Variants in UNC45A observed in about 807,000 individuals in gnomAD.
The protein encoded by UNC45A is unc-45 myosin chaperone A, also known as protein unc-45 homolog A.
UNC45A carries 78 observed loss-of-function variants against 103.2 expected under a neutral mutation model. That is an observed-to-expected ratio of 0.76 (90% CI 0.63 to 0.91). The LOEUF (loss-of-function observed/expected upper bound fraction) is 0.91, where lower values mean the gene tolerates loss of function less well. Among genes scored for constraint, UNC45A ranks in the 40% least tolerant of loss-of-function variants. The pLI, the probability that UNC45A is intolerant of heterozygous loss-of-function variation, is 0.00. For missense variants in UNC45A, 1,193 were observed against 1,224.8 expected (o/e 0.97, Z 0.39); for synonymous variants, 495 against 504.6 (o/e 0.98, Z 0.25).
upstream of UNC45A, chr15:90,933,951 G>C (rs375455279): frequency 5.3e-5 from 21 of 398,100 alleles, no homozygotes; most frequent in South Asian, 9.3e-4. Context: ...TTGGGGCTTT[G>C]ACTTTTATTT....
intron 4 of UNC45A, among the ~76,000 whole-genome samples, chr15:90,937,805 A>C (rs2151356900): frequency 6.6e-6 from 1 of 151,656 alleles, no homozygotes; most frequent in Middle Eastern, 3.4e-3. Flanking sequence ...TTATTTTTTA[A>C]ATTTATTTTT....
At chr15:90,947,345 G>A (rs2036628337) in intron 10 of UNC45A, 2 of 254,502 alleles carry the variant, frequency 7.9e-6, no homozygotes, top group African/African-American at 4.4e-5. Context: ...GGCCCTCCAT[G>A]AGCCTGTTGT....
Position 90,949,415 on chromosome 15 carries a change from A to T in UNC45A, c.1978A>T (p.Thr660Ser), listed in dbSNP as rs371695364. Residue 660 changes from threonine to serine, a missense_variant, in exon 14 of 20, where the codon ACC becomes TCC. Physicochemically the swap from Thr to Ser is moderately conservative, Grantham distance 58. Transcript: ENST00000418476. ...GGTGAAGACGGAGAGCCCTGTGCTG[A>T]CCAGTTCCTGCAGAGAGCTGCTCTC... is the stretch of plus-strand genomic sequence containing the variant. ...CMVKTESPVLTSSCRELLSRV... is the reference protein window; with the variant it reads ...CMVKTESPVLSSSCRELLSRV... 3.1e-6 allele frequency: 5 copies of T among 1,613,588 alleles called. No homozygotes were observed. The highest frequency in any genetic ancestry group is 3.4e-6 in the Non-Finnish European group (4 of 1,180,008).
chr15:90,935,910 T>C (rs1162437728), intron 2 of UNC45A, 36 bp from the exon 3 acceptor site: 1 of 1,613,730 alleles, frequency 6.2e-7, no homozygotes, highest in Non-Finnish European at 8.5e-7. Flanking sequence ...GAGAGGGAGA[T>C]GACCATTCCT....
upstream of UNC45A, chr15:90,933,065 C>T (rs143009952): frequency 6.6e-6 from 1 of 152,584 alleles, no homozygotes; most frequent in African/African-American, 2.4e-5. Flanking sequence ...GGGAGTCTAC[C>T]TTTGGACCCT....
rs377248260 is a variant in UNC45A, at chr15:90,942,920, C to G, written c.865C>G (p.Arg289Gly). 6.2e-7 allele frequency: 1 copy of G among 1,606,312 alleles called. No individual in the cohort carries two copies. Among genetic ancestry groups the G allele is most frequent in the South Asian group, 1.1e-5 (1 of 90,470 alleles). The change falls in exon 8 of 20, where the codon CGG becomes GGG. Residue 289 changes from arginine to glycine, a missense_variant. Physicochemically the swap from Arg to Gly is moderately radical, Grantham distance 125 (BLOSUM62 -2). Transcript: ENST00000418476. ...CTTCTTGTTGTTGCCAGATCCTGCCCGGGAGCTGAAGGTCCTCATCAGTAA... is the reference window on the plus strand; with the variant it reads ...CTTCTTGTTGTTGCCAGATCCTGCCGGGGAGCTGAAGGTCCTCATCAGTAA... Reference protein sequence around the residue: ...KEGAIIVDPARELKVLISNLL... With the variant: ...KEGAIIVDPAGELKVLISNLL...
At chr15:90,938,621 T>G (rs2036134546) in intron 4 of UNC45A, among the ~76,000 whole-genome samples, 1 of 152,060 alleles carries the variant, frequency 6.6e-6, no homozygotes, top group Non-Finnish European at 1.5e-5. Context: ...CCCAGGACTC[T>G]GGGGGGTGGG....
chr15:90,932,440 T>A, upstream of UNC45A: 2 of 1,364,680 alleles, frequency 1.5e-6, no homozygotes. Context: ...GATGGGGTGG[T>A]TGATGTAGGG....
At chr15:90,947,751 TG>T in intron 10 of UNC45A, 44 bp from the exon 11 acceptor site, 1 of 1,477,640 alleles carries the variant, frequency 6.8e-7, no homozygotes, top group African/African-American at 1.4e-5. Context: ...GCTCAGCTCC[TG>T]CCTCCTTCCC....
At chr15:90,935,279 C>G, upstream of UNC45A, 1 of 1,568,774 alleles carries the variant, frequency 6.4e-7, no homozygotes, top group Non-Finnish European at 8.6e-7. Flanking sequence ...AGACTCGCCC[C>G]GCCCCAGAGA....
Position 90,944,952 on chromosome 15 carries a change from T to A in UNC45A, c.1088T>A (p.Val363Glu). The A allele has an allele frequency of 6.2e-7, 1 of 1,612,674 alleles. No homozygotes were observed. The highest frequency in any genetic ancestry group is 2.1e-4 in the Middle Eastern group (1 of 4,778). Residue 363 changes from valine to glutamate, a missense_variant, in exon 9 of 20, where the codon GTG becomes GAG. Coordinates refer to ENST00000418476, the MANE Select transcript of UNC45A (RefSeq NM_018671.5). ...SLQDPPGELA[V>E]TANSRMSASI... is the part of the protein sequence containing the mutation. The stretch of plus-strand genomic sequence containing the variant: ...CAGGACCCTCCTGGGGAGCTCGCAG[T>A]GACCGCAAACAGCCGCATGAGCGCC...
chr15:90,950,758 G>C (rs1385049185), intron 17 of UNC45A, 143 bp downstream of exon 17: 10 of 841,058 alleles, frequency 1.2e-5, no homozygotes, highest in Non-Finnish European at 1.9e-5. Context: ...TTAGAGAGGA[G>C]GCGACAGGCC....
At chr15:90,948,975 C>A in intron 13 of UNC45A, among the ~76,000 whole-genome samples, 181 bp downstream of exon 13, 1 of 149,478 alleles carries the variant, frequency 6.7e-6, no homozygotes, top group East Asian at 2.0e-4. Context: ...CTCCCGGGTT[C>A]ATGCCATTCT....
upstream of UNC45A, chr15:90,932,241 C>G: frequency 9.5e-7 from 1 of 1,050,790 alleles, no homozygotes; most frequent in Non-Finnish European, 1.4e-6. Flanking sequence ...AAGTACCTTA[C>G]CCTCTGGGAG....
Position 90,935,364 on chromosome 15 carries a change from G to A in UNC45A, c.40G>A (p.Ala14Thr). ...TCCAGGGACCCCCGAGCCCCGGCCG[G>A]CCACCCCCGGGGTGCGTACCCAACC... ...SGPGTPEPRPATPGASSVEQL... is the reference protein window; with the variant it reads ...SGPGTPEPRPTTPGASSVEQL... The change falls in exon 1 of 20, where the codon GCC becomes ACC. Residue 14 changes from alanine to threonine, a missense_variant. Ala to Thr is a moderately conservative substitution (Grantham distance 58). Coordinates refer to ENST00000418476, the MANE Select transcript of UNC45A (RefSeq NM_018671.5). 6.2e-7 allele frequency: 1 copy of A among 1,600,688 alleles called. No individual in the cohort carries two copies.
chr15:90,942,502 G>C lies in UNC45A; in HGVS notation c.753G>C (p.Gln251His). The C allele has an allele frequency of 1.9e-6, 3 of 1,614,178 alleles. No individual in the cohort carries two copies. The highest frequency in any genetic ancestry group is 2.2e-5 in the South Asian group (2 of 91,072). ...TCTCCATCCTGGGCGTGGAAAGCCA[G>C]GCTGTGTCCCTGGCTGCCTGCCACC... ...RVVSILGVESQAVSLAACHLL... is the reference protein window; with the variant it reads ...RVVSILGVESHAVSLAACHLL... Residue 251 changes from glutamine (Q) to histidine (H), a missense_variant, in exon 7 of 20, where the codon CAG becomes CAC. Gln to His is a conservative substitution (Grantham distance 24, BLOSUM62 0). Coordinates refer to ENST00000418476, the MANE Select transcript of UNC45A (RefSeq NM_018671.5).
intron 15 of UNC45A, chr15:90,949,925 T>G (rs1304784837): frequency 5.9e-6 from 4 of 672,478 alleles, no homozygotes; most frequent in South Asian, 3.7e-5. Flanking sequence ...GGTCCTAGGC[T>G]CTACTGTTCC....
In UNC45A at chr15:90,935,323, C is replaced by A. The variant is rs554416110; in HGVS notation, c.-2C>A. 1.9e-6 allele frequency: 3 copies of A among 1,603,912 alleles called. No individual in the cohort carries two copies. The highest frequency in any genetic ancestry group is 2.5e-6 in the Non-Finnish European group (3 of 1,176,824). On this transcript the variant is annotated 5_prime_UTR_variant, in exon 1 of 20. Transcript: ENST00000418476. Reference sequence around the variant, plus strand: ...GCGCGGGCACGAGACAACCTCTCCGCGATGACTGTGAGTGGTCCAGGGACC... The same window carrying A: ...GCGCGGGCACGAGACAACCTCTCCGAGATGACTGTGAGTGGTCCAGGGACC...
At chr15:90,946,120 G>T (rs2036553661) in intron 9 of UNC45A, among the ~76,000 whole-genome samples, 1 of 151,284 alleles carries the variant, frequency 6.6e-6, no homozygotes, top group African/African-American at 2.4e-5. Flanking sequence ...CAGGTGTGGT[G>T]GTGGGTGCCT....
Sources: allele counts gnomAD v4.1 joint callset (sites outside exome capture counted in the v4.1 genomes callset), GRCh38; gene constraint gnomAD v4.1.1; transcripts MANE v1.5; gene names NCBI Gene and HGNC (gene_info 2026-07-23, HGNC 2026-07-21).